The following CEMIP variants were observed in gnomAD, a reference collection of about 807,000 sequenced individuals.
The protein encoded by CEMIP is cell migration inducing hyaluronidase 1.
CEMIP carries 105 observed loss-of-function variants against 156.9 expected under a neutral mutation model. The ratio of observed to expected loss-of-function variants is 0.67; its 90% CI spans 0.57 to 0.79. The LOEUF is 0.79. Ranked by LOEUF, CEMIP falls within the 30% of genes least tolerant of loss-of-function variation. CEMIP has a pLI of 0.00. For missense variants in CEMIP, 1,457 were observed against 1,769.4 expected (o/e 0.82, Z 3.17); for synonymous variants, 676 against 668.4 (o/e 1.01, Z -0.17).
chr15:80,922,286 G>A (rs537089149), intron 17 of CEMIP, 149 bp downstream of exon 17: 120 of 1,067,698 alleles, frequency 1.1e-4, no homozygotes, highest in Non-Finnish European at 1.5e-4. Flanking sequence ...GCAGCCTTGC[G>A]AGGCCTCCCA....
intron 1 of CEMIP, among the ~76,000 whole-genome samples, chr15:80,794,466 C>T (rs1236160916): frequency 6.6e-6 from 1 of 152,162 alleles, no homozygotes; most frequent in African/African-American, 2.4e-5. Context: ...GTCCAGGAGA[C>T]ATACAATGGG....
intron 1 of CEMIP, among the ~76,000 whole-genome samples, chr15:80,812,014 T>A (rs959657061): frequency 3.3e-5 from 5 of 152,008 alleles, no homozygotes; most frequent in Non-Finnish European, 5.9e-5. Flanking sequence ...TTGTTGTTTT[T>A]AGGGAGGGGC....
At chr15:80,849,673 G>T (rs1369412543) in intron 1 of CEMIP, among the ~76,000 whole-genome samples, 1 of 150,492 alleles carries the variant, frequency 6.6e-6, no homozygotes, top group Non-Finnish European at 1.5e-5. Context: ...GACCACCAGA[G>T]AGAGAGAGAG....
intron 19 of CEMIP, among the ~76,000 whole-genome samples, chr15:80,926,364 G>A (rs531243856): frequency 1.8e-4 from 28 of 152,320 alleles, no homozygotes; most frequent in African/African-American, 6.7e-4. Flanking sequence ...AGGCAGTGGA[G>A]CTGGGATTTG....
chr15:80,827,475 T>C (rs1244528930), intron 1 of CEMIP, among the ~76,000 whole-genome samples: 1 of 151,994 alleles, frequency 6.6e-6, no homozygotes, highest in Non-Finnish European at 1.5e-5. Context: ...AAAAATTAGC[T>C]GGGCATGGTG....
At chr15:80,925,601 C>T (rs753015498) in intron 18 of CEMIP, 23 bp from the exon 19 acceptor site, 7 of 1,609,952 alleles carry the variant, frequency 4.3e-6, no homozygotes, top group Middle Eastern at 1.7e-4. Context: ...GCCACCTGTG[C>T]CCTCCCCATG....
At chr15:80,944,117 A>G (rs1901446657) in intron 28 of CEMIP, among the ~76,000 whole-genome samples, 1 of 151,964 alleles carries the variant, frequency 6.6e-6, no homozygotes, top group Admixed American at 6.6e-5. Flanking sequence ...ATCTCTACTA[A>G]AAGTACAAAA....
At position 80,906,672 on chromosome 15, in the gene CEMIP, T is replaced by G. The variant is rs771809287; in HGVS notation, c.1421T>G (p.Met474Arg). The change falls in exon 13 of 30, where the codon ATG (methionine) becomes AGG (arginine). Residue 474 changes from methionine (M) to arginine (R), a missense_variant. Coordinates refer to ENST00000394685, the MANE Select transcript of CEMIP (RefSeq NM_001293298.2). This position sits in a 1 kb window ranked among gnomAD's most constrained non-coding sequence, Gnocchi z 4.3. ...TCCCTTTCTGCCCTAGGGAAACCAATGTACCTGCACATCGGGGAGGAGATA... is the reference window on the plus strand; with the variant it reads ...TCCCTTTCTGCCCTAGGGAAACCAAGGTACCTGCACATCGGGGAGGAGATA... Reference protein sequence around the residue: ...PNQVKVAGKPMYLHIGEEIDG... With the variant: ...PNQVKVAGKPRYLHIGEEIDG... 3.1e-6 allele frequency: 5 copies of G among 1,613,288 alleles called. No individual in the cohort carries two copies. Among genetic ancestry groups the G allele is most frequent in the Non-Finnish European group, 4.2e-6 (5 of 1,179,466 alleles).
In CEMIP at chr15:80,949,006, C is replaced by T. The variant is rs1901695896; in HGVS notation, c.*82C>T. 1.9e-6 allele frequency: 3 copies of T among 1,566,036 alleles called. No individual in the cohort carries two copies. The highest frequency in any genetic ancestry group is 8.8e-7 in the Non-Finnish European group (1 of 1,138,826). The stretch of plus-strand genomic sequence containing the variant: ...CAGACCAGTGGGGGATGGCTGGGTC[C>T]CCCAGCCCCTGCCAGCAGCTGCCTG... On this transcript the variant is annotated 3_prime_UTR_variant, in exon 30 of 30. Coordinates refer to ENST00000394685, the MANE Select transcript of CEMIP (RefSeq NM_001293298.2).
rs1449372190 is a variant in CEMIP, at chr15:80,948,801, A to G, written c.3963A>G (p.Gln1321=). 6.2e-7 allele frequency: 1 copy of G among 1,614,122 alleles called. No individual in the cohort carries two copies. The highest frequency in any genetic ancestry group is 2.2e-5 in the East Asian group (1 of 44,870). The stretch of plus-strand genomic sequence containing the variant: ...AGACTCATCATTGCTTTTCAGAGCA[A>G]ATGGCATTCGTTGGCTTCAAAGGCA... ...GADRGLKLKE[Q]MAFVGFKGSF... The change falls in exon 30 of 30, where the codon CAA becomes CAG. Residue 1321 remains glutamine (Q), a synonymous_variant. Transcript: ENST00000394685.
At chr15:80,780,352 C>A (rs1302419168) in intron 1 of CEMIP, among the ~76,000 whole-genome samples, 1 of 152,246 alleles carries the variant, frequency 6.6e-6, no homozygotes, top group Non-Finnish European at 1.5e-5. Context: ...GCAGAGAGTC[C>A]TGGCAGAACG....
intron 4 of CEMIP, 25 bp from the exon 5 acceptor site, chr15:80,879,691 C>G: frequency 6.2e-7 from 1 of 1,614,066 alleles, no homozygotes; most frequent in South Asian, 1.1e-5. Context: ...TGTTATTAAA[C>G]CTCCCCCCAA....
intron 12 of CEMIP, among the ~76,000 whole-genome samples, chr15:80,901,675 C>G: frequency 6.7e-6 from 1 of 149,362 alleles, no homozygotes; most frequent in East Asian, 2.0e-4. Context: ...GCACTCCAGC[C>G]TGGGGGACAA....
intron 1 of CEMIP, among the ~76,000 whole-genome samples, chr15:80,786,425 C>T (rs763296856): frequency 1.3e-5 from 2 of 152,032 alleles, no homozygotes; most frequent in South Asian, 4.1e-4. Flanking sequence ...TGAGTTTCAT[C>T]GTGTTGCTCA....
intron 1 of CEMIP, among the ~76,000 whole-genome samples, chr15:80,833,054 C>T (rs78431578): frequency 6.6e-6 from 1 of 152,184 alleles, no homozygotes; most frequent in Non-Finnish European, 1.5e-5. Flanking sequence ...TTCTAAACGA[C>T]TCTTGGAAGT....
chr15:80,914,440 C>T (rs1286733597), intron 14 of CEMIP, among the ~76,000 whole-genome samples: 2 of 152,226 alleles, frequency 1.3e-5, no homozygotes, highest in African/African-American at 4.8e-5. Flanking sequence ...CCCCAACAGG[C>T]TGCCACATGT....
intron 1 of CEMIP, among the ~76,000 whole-genome samples, chr15:80,873,229 G>C (rs965333351): frequency 1.3e-5 from 2 of 152,188 alleles, no homozygotes; most frequent in African/African-American, 2.4e-5. Flanking sequence ...GGAAGGAGAA[G>C]AAAATGAATA....
At chr15:80,832,363 A>G (rs1387467701) in intron 1 of CEMIP, among the ~76,000 whole-genome samples, 1 of 23,684 alleles carries the variant, frequency 4.2e-5, no homozygotes, top group African/African-American at 1.6e-4. Context: ...TGTGTGTGTA[A>G]GAGAAACAGA....
chr15:80,822,668 T>C (rs552353247), intron 1 of CEMIP, among the ~76,000 whole-genome samples: 54 of 152,320 alleles, frequency 3.5e-4, no homozygotes, highest in African/African-American at 1.2e-3. Context: ...TGCCCAGTGA[T>C]GGTGAACACT....
Sources: allele counts gnomAD v4.1 joint callset (sites outside exome capture counted in the v4.1 genomes callset), GRCh38; gene constraint gnomAD v4.1.1; non-coding constraint Gnocchi (gnomAD v3.1); transcripts MANE v1.5; gene names NCBI Gene and HGNC (gene_info 2026-07-23, HGNC 2026-07-21).